PDGFC: variants seen among roughly 807,000 people sequenced by gnomAD.
The protein encoded by PDGFC is platelet derived growth factor C, also known as platelet-derived growth factor C.
PDGFC carries 12 observed loss-of-function variants against 35.5 expected under a neutral mutation model. That is an observed-to-expected ratio of 0.34 (90% CI 0.22 to 0.55). The LOEUF is 0.55. Ranked by LOEUF, PDGFC falls within the 20% of genes least tolerant of loss-of-function variation. The probability of loss-of-function intolerance (pLI) is 0.91; values close to 1 mark genes in which losing one functional copy is unlikely to be tolerated. For synonymous variants in PDGFC, 159 were observed against 148.8 expected, an observed-to-expected ratio of 1.07 and a Z score of -0.50; for missense variants, 322 against 412.4, an observed-to-expected ratio of 0.78 and a Z score of 1.90.
At chr4:156,878,406 A>C (rs2111163390) in intron 1 of PDGFC, among the ~76,000 whole-genome samples, 1 of 152,324 alleles carries the variant, frequency 6.6e-6, no homozygotes, top group South Asian at 2.1e-4. Context: ...AAAATTCACC[A>C]GAAAATTGTA....
In PDGFC at chr4:156,932,918, A is replaced by AACAC. The variant is rs927838250; in HGVS notation, c.118+37864_118+37867dup. Among the ~76,000 whole-genome samples the AACAC allele has an allele frequency of 4.6e-4, 70 of 151,824 alleles. 1 individual carries two copies. The East Asian group carries it at 6.0e-3, about 13-fold the overall frequency. On this transcript the variant is annotated intron_variant, in intron 1 of 5. Coordinates refer to ENST00000502773, the MANE Select transcript of PDGFC (RefSeq NM_016205.3). ...TAATTAAAAAAAAAAAGAAGTTTCT[A>AACAC]ACACACACACACAAACACACACACA...
intron 1 of PDGFC, among the ~76,000 whole-genome samples, chr4:156,968,385 G>C (rs1435710167): frequency 1.3e-5 from 2 of 152,134 alleles, no homozygotes; most frequent in African/African-American, 4.8e-5. Flanking sequence ...TCCTCAAGGA[G>C]GGTTCGTATT....
At chr4:156,970,156 C>A (rs1037318656) in intron 1 of PDGFC, among the ~76,000 whole-genome samples, 4 of 152,140 alleles carry the variant, frequency 2.6e-5, no homozygotes, top group African/African-American at 9.7e-5. Context: ...CCAGCACACA[C>A]AAAATAGCAG....
chr4:156,887,471 T>A (rs2111186002), intron 1 of PDGFC, among the ~76,000 whole-genome samples: 1 of 152,332 alleles, frequency 6.6e-6, no homozygotes, highest in Admixed American at 6.5e-5. Context: ...TCATATATTT[T>A]AACTTTTTCT....
intron 3 of PDGFC, among the ~76,000 whole-genome samples, chr4:156,777,195 A>G (rs772378237): frequency 3.3e-5 from 5 of 152,160 alleles, no homozygotes; most frequent in Non-Finnish European, 7.4e-5. Context: ...TAAGACATCA[A>G]ATATCCTAGA....
At chr4:156,905,859 A>T (rs2110784687) in intron 1 of PDGFC, among the ~76,000 whole-genome samples, 1 of 152,170 alleles carries the variant, frequency 6.6e-6, no homozygotes, top group African/African-American at 2.4e-5. Context: ...CAATAAAGCA[A>T]CATAATTGCC....
chr4:156,885,863 C>T (rs1253110292), intron 1 of PDGFC, among the ~76,000 whole-genome samples: 1 of 152,060 alleles, frequency 6.6e-6, no homozygotes, highest in Non-Finnish European at 1.5e-5. Context: ...AGTCTGCAGA[C>T]TGGGCAAGAT....
chr4:156,954,513 CAA>C (rs1732158666), intron 1 of PDGFC, among the ~76,000 whole-genome samples: 2 of 151,938 alleles, frequency 1.3e-5, no homozygotes, highest in African/African-American at 4.8e-5. Context: ...AAAAATACGT[CAA>C]AGTTACTGAA....
chr4:156,927,443 TA>T (rs2110864105), intron 1 of PDGFC, among the ~76,000 whole-genome samples: 1 of 152,324 alleles, frequency 6.6e-6, no homozygotes, highest in East Asian at 1.9e-4. Context: ...GTTTTCCTTT[TA>T]AAATTGAATG....
rs1257555870 is a variant in PDGFC at position 156,971,278 on chromosome 4, G to C, written c.-375C>G. 2 of 430,610 alleles carry C rather than the reference G, an allele frequency of 4.6e-6. No individual in the cohort carries two copies. The highest frequency in any genetic ancestry group is 7.8e-5 in the Admixed American group (2 of 25,702). The allele number at this position is 430,610 out of a possible 1,614,324, so 26.7% of individuals were successfully genotyped here. On this transcript the variant is annotated 5_prime_UTR_variant, in exon 1 of 6. Coordinates refer to ENST00000502773, the MANE Select transcript of PDGFC (RefSeq NM_016205.3). ...AGTTGCTGGGAGCACCTGTCAGTTC[G>C]GGGGACAGGACAGAGGCGAAAACTC...
intron 3 of PDGFC, among the ~76,000 whole-genome samples, chr4:156,806,064 T>C (rs1307600821): frequency 6.6e-6 from 1 of 152,152 alleles, no homozygotes; most frequent in Non-Finnish European, 1.5e-5. Flanking sequence ...ATATTATTAA[T>C]CTTTGTATAT....
intron 3 of PDGFC, chr4:156,774,511 G>C (rs1344643835): frequency 6.6e-6 from 1 of 152,210 alleles, no homozygotes; most frequent in East Asian, 1.9e-4. Context: ...ACTAGGAAAA[G>C]GAGCACCTTT....
Position 156,794,637 on chromosome 4 carries a change from T to C in PDGFC, c.495+16200A>G, listed in dbSNP as rs1369826301. On this transcript the variant is annotated intron_variant, in intron 3 of 5. Coordinates refer to ENST00000502773, the MANE Select transcript of PDGFC (RefSeq NM_016205.3). ...TTTATTAATAAGATAAAAATATCTA[T>C]TTATATACCTTCATCTGGAATTCTA... 3.9e-5 allele frequency among the ~76,000 whole-genome samples: 6 copies of C among 152,138 alleles called. No individual in the cohort carries two copies. The East Asian group carries it at 5.8e-4, about 15-fold the overall frequency.
intron 1 of PDGFC, among the ~76,000 whole-genome samples, chr4:156,907,650 C>G (rs557943207): frequency 6.6e-6 from 1 of 152,228 alleles, no homozygotes; most frequent in South Asian, 2.1e-4. Context: ...TGCCAGGCCT[C>G]TGGGTGTGGG....
rs889936903 is a variant in PDGFC at position 156,762,222 on chromosome 4, A to G, written c.*868T>C. 1.3e-5 allele frequency: 2 copies of G among 152,660 alleles called. No individual in the cohort carries two copies. Among genetic ancestry groups the G allele is most frequent in the African/African-American group, 4.8e-5 (2 of 41,470 alleles). 9.5% of individuals were successfully genotyped at this position (152,660 alleles called of 1,614,324 possible). A position where few individuals can be genotyped will look rare whatever the true frequency, so the allele number is the denominator to read the frequency against. ...TTATATCATCTTTGTTCCTCTGGCT[A>G]TAACAATTGTGTTTAGAAAAATTTA... On this transcript the variant is annotated 3_prime_UTR_variant, in exon 6 of 6. Transcript: ENST00000502773.
At chr4:156,822,978 C>G (rs1426538471) in intron 2 of PDGFC, among the ~76,000 whole-genome samples, 1 of 152,028 alleles carries the variant, frequency 6.6e-6, no homozygotes, top group East Asian at 1.9e-4. Flanking sequence ...AGGTGATCTG[C>G]CCACCTCAGC....
intron 2 of PDGFC, among the ~76,000 whole-genome samples, chr4:156,834,569 T>G (rs546239712): frequency 6.6e-6 from 1 of 152,144 alleles, no homozygotes; most frequent in African/African-American, 2.4e-5. Flanking sequence ...GACGATGTTT[T>G]TGAAGTTAGT....
Position 156,895,880 on chromosome 4 carries a change from T to C in PDGFC, c.119-45464A>G, listed in dbSNP as rs182224016. 5.3e-5 allele frequency among the ~76,000 whole-genome samples: 8 copies of C among 152,270 alleles called. No individual in the cohort carries two copies. The East Asian group carries it at 1.4e-3, about 26-fold the overall frequency. The stretch of plus-strand genomic sequence containing the variant: ...TACAGTGAGAGTAGCTGAGTGTTGA[T>C]TTACTGGAAAAGCAAACATGATTAA... On this transcript the variant is annotated intron_variant, in intron 1 of 5. Transcript: ENST00000502773.
intron 1 of PDGFC, among the ~76,000 whole-genome samples, chr4:156,957,455 T>C (rs1732239845): frequency 6.6e-6 from 1 of 151,984 alleles, no homozygotes; most frequent in African/African-American, 2.4e-5. Context: ...CTGTATTTTA[T>C]CATCTGGGCC....
Sources: gnomAD v4.1 joint callset for allele counts (sites outside exome capture counted in the v4.1 genomes callset) on GRCh38, gnomAD v4.1.1 for gene constraint, MANE v1.5 for transcripts, NCBI Gene and HGNC (gene_info 2026-07-23, HGNC 2026-07-21) for gene names.